Variants in NFIB observed in about 807,000 individuals in gnomAD.
The protein encoded by NFIB is nuclear factor I B, also known as nuclear factor 1 B-type.
A neutral mutation model predicts 61.5 loss-of-function variants in NFIB; 11 were observed. The observed-to-expected ratio is 0.18, with a 90% CI of 0.11 to 0.30. The LOEUF is 0.30. NFIB is among the 10% of genes least tolerant of loss of function. The probability of loss-of-function intolerance (pLI) is 1.00; values close to 1 mark genes in which losing one functional copy is unlikely to be tolerated. For synonymous variants in NFIB, 260 were observed against 216.5 expected, an observed-to-expected ratio of 1.20 and a Z score of -1.76; for missense variants, 471 against 608.9, an observed-to-expected ratio of 0.77 and a Z score of 2.38.
At chr9:14,241,137 C>T (rs1046366380) in intron 2 of NFIB, among the ~76,000 whole-genome samples, 3 of 152,172 alleles carry the variant, frequency 2.0e-5, no homozygotes, top group Admixed American at 1.3e-4. Context: ...CAAATGTATT[C>T]GGCAATTACC....
At chr9:14,391,960 C>T (rs1416675164) in intron 1 of NFIB, among the ~76,000 whole-genome samples, 1 of 152,188 alleles carries the variant, frequency 6.6e-6, no homozygotes, top group African/African-American at 2.4e-5. Flanking sequence ...GAATTCTTTC[C>T]TCCAAGGAAA....
the NFIB span, among the ~76,000 whole-genome samples, chr9:14,503,088 GTATA>G: frequency 3.1e-3 from 458 of 147,392 alleles, no homozygotes; most frequent in African/African-American, 6.4e-3. Context: ...GTATTTTATG[GTATA>G]TATATATATA....
intron 1 of NFIB, among the ~76,000 whole-genome samples, chr9:14,367,840 G>A (rs1168703874): frequency 6.6e-6 from 1 of 152,120 alleles, no homozygotes; most frequent in Non-Finnish European, 1.5e-5. Context: ...GGGAACACAT[G>A]GACACACGGA....
chr9:14,232,524 A>G (rs2053311605), intron 2 of NFIB, among the ~76,000 whole-genome samples: 2 of 152,250 alleles, frequency 1.3e-5, no homozygotes, highest in Non-Finnish European at 2.9e-5. Flanking sequence ...AAAAGCCATC[A>G]GATTTACTTC....
the NFIB span, among the ~76,000 whole-genome samples, chr9:14,490,346 C>A: frequency 6.6e-6 from 1 of 151,714 alleles, no homozygotes. Flanking sequence ...ATGTTAAAGG[C>A]AAAACTATAG....
the NFIB span, among the ~76,000 whole-genome samples, chr9:14,407,718 G>T: frequency 6.6e-6 from 1 of 152,126 alleles, no homozygotes; most frequent in Non-Finnish European, 1.5e-5. Flanking sequence ...ACAGGATCTT[G>T]CTTTGTTGCC....
At chr9:14,179,817 T>G (rs1470827070) in intron 2 of NFIB, 37 bp from the exon 3 acceptor site, 2 of 1,605,770 alleles carry the variant, frequency 1.2e-6, no homozygotes, top group Non-Finnish European at 8.5e-7. Flanking sequence ...TCTTTTTAAT[T>G]TGTTTTGAAA....
At chr9:14,481,090 G>A in the NFIB span, among the ~76,000 whole-genome samples, 4 of 150,302 alleles carry the variant, frequency 2.7e-5, no homozygotes, top group Middle Eastern at 6.8e-3. Flanking sequence ...AGTAGGAAGC[G>A]CTAGGCTGTA....
chr9:14,357,618 TAAG>T (rs2061191630), intron 1 of NFIB: 1 of 152,160 alleles, frequency 6.6e-6, no homozygotes, highest in East Asian at 1.9e-4. Context: ...ATGTGGAAAA[TAAG>T]AACACTTACT....
intron 3 of NFIB, among the ~76,000 whole-genome samples, chr9:14,169,306 TGCAAGGTATAGAGCACTGC>T (rs2045296881): frequency 1.3e-5 from 2 of 152,152 alleles, no homozygotes; most frequent in South Asian, 4.2e-4. Flanking sequence ...CACACATACA[TGCAAGGTATAGAGCACTGC>T]GCAAGGGGAA....
At chr9:14,254,302 A>AAAAAACAAAACAAAAC (rs1554689880) in intron 2 of NFIB, among the ~76,000 whole-genome samples, 1 of 148,748 alleles carries the variant, frequency 6.7e-6, no homozygotes, top group African/African-American at 2.6e-5. Flanking sequence ...CTGTCTCAAA[A>AAAAAACAAAACAAAAC]AAAACAAAAC....
chr9:14,232,493 G>T (rs1369040994), intron 2 of NFIB, among the ~76,000 whole-genome samples: 1 of 152,060 alleles, frequency 6.6e-6, no homozygotes. Flanking sequence ...CCTGCTCAAG[G>T]AAAGCAAAAA....
At chr9:14,467,868 G>GA in the NFIB span, among the ~76,000 whole-genome samples, 3 of 152,122 alleles carry the variant, frequency 2.0e-5, no homozygotes, top group Non-Finnish European at 2.9e-5. Flanking sequence ...TTTTACAGAT[G>GA]AAAAAACTGA....
chr9:14,421,804 C>T, the NFIB span, among the ~76,000 whole-genome samples: 1 of 152,074 alleles, frequency 6.6e-6, no homozygotes, highest in African/African-American at 2.4e-5. Flanking sequence ...CAAAGCATAC[C>T]CAATTCTTCT....
intron 2 of NFIB, among the ~76,000 whole-genome samples, chr9:14,196,670 A>T (rs1038110610): frequency 5.2e-5 from 7 of 135,272 alleles, no homozygotes; most frequent in African/African-American, 1.7e-4. Context: ...TTTTACTCCC[A>T]ATTCTCTTAT....
chr9:14,222,172 T>C (rs925711780), intron 2 of NFIB, among the ~76,000 whole-genome samples: 8 of 152,332 alleles, frequency 5.3e-5, no homozygotes, highest in Admixed American at 1.3e-4. Flanking sequence ...AAACACTTTC[T>C]ACATCCCACT....
chr9:14,330,180 G>A (rs1311807577), intron 1 of NFIB, among the ~76,000 whole-genome samples: 1 of 152,102 alleles, frequency 6.6e-6, no homozygotes, highest in Non-Finnish European at 1.5e-5. Context: ...GTAACAGAAT[G>A]CAAGTGAGGG....
the NFIB span, among the ~76,000 whole-genome samples, chr9:14,456,980 C>T: frequency 2.0e-5 from 3 of 152,148 alleles, no homozygotes; most frequent in South Asian, 2.1e-4. Context: ...AGTACAGGTC[C>T]ATAATTGAAC....
chr9:14,132,654 A>G (rs1013229978), intron 6 of NFIB, among the ~76,000 whole-genome samples: 1 of 151,890 alleles, frequency 6.6e-6, no homozygotes, highest in Non-Finnish European at 1.5e-5. Flanking sequence ...TGCAGCCTCA[A>G]ACTCCTGGGT....
Sources: gnomAD v4.1 joint callset for allele counts (sites outside exome capture counted in the v4.1 genomes callset) on GRCh38, gnomAD v4.1.1 for gene constraint, MANE v1.5 for transcripts, NCBI Gene and HGNC (gene_info 2026-07-23, HGNC 2026-07-21) for gene names.